PRKCH: variants seen among roughly 807,000 people sequenced by gnomAD.
PRKCH encodes protein kinase C eta, also known as protein kinase C eta type.
A neutral mutation model predicts 82.5 loss-of-function variants in PRKCH; 28 were observed. That is an observed-to-expected ratio of 0.34 (90% CI 0.25 to 0.47). PRKCH has a LOEUF of 0.47. Among genes scored for constraint, PRKCH ranks in the 20% least tolerant of loss-of-function variants. The pLI is 1.00. For synonymous variants in PRKCH, 322 were observed against 327.4 expected (o/e 0.98, Z 0.18); for missense variants, 705 against 881.8 (o/e 0.80, Z 2.54).
intron 1 of PRKCH, among the ~76,000 whole-genome samples, chr14:61,311,290 C>G (rs1447140242): frequency 1.3e-5 from 2 of 152,234 alleles, no homozygotes; most frequent in Non-Finnish European, 2.9e-5. Context: ...CTTTTATGCT[C>G]TGCTTCCCTT....
At chr14:61,329,254 T>TTTTTTTTTTTTTTTTTTG (rs1555375988) in intron 1 of PRKCH, among the ~76,000 whole-genome samples, 2 of 122,516 alleles carry the variant, frequency 1.6e-5, no homozygotes, top group African/African-American at 6.5e-5. Flanking sequence ...TTTTTTTTTT[T>TTTTTTTTTTTTTTTTTTG]GAGACAGAAT....
At chr14:61,444,281 G>GA (rs1884111199) in intron 3 of PRKCH, among the ~76,000 whole-genome samples, 1 of 151,794 alleles carries the variant, frequency 6.6e-6, no homozygotes, top group Admixed American at 6.6e-5. Flanking sequence ...TTTTTTTTGG[G>GA]AAAAAATTAG....
chr14:61,471,015 G>T (rs1014652543), intron 9 of PRKCH, among the ~76,000 whole-genome samples: 5 of 152,058 alleles, frequency 3.3e-5, no homozygotes, highest in African/African-American at 1.2e-4. Context: ...TATCCCTGCA[G>T]CCAGCCCAGA....
rs115517339 is a variant in PRKCH at position 61,415,477 on chromosome 14, G to A, written c.427+24189G>A. Among the ~76,000 whole-genome samples, 337 of 152,316 alleles carry A rather than the reference G, an allele frequency of 2.2e-3. 2 individuals are homozygous for A. The highest frequency in any genetic ancestry group is 7.9e-3 in the African/African-American group (330 of 41,564). On this transcript the variant is annotated intron_variant, in intron 2 of 13. Coordinates refer to ENST00000332981, the MANE Select transcript of PRKCH (RefSeq NM_006255.5). ...TTCCTTAGGAGAGCTGAGGAAGGGG[G>A]TTAGCCATTGAAGGATGAAGATATG...
At chr14:61,483,730 G>A (rs568556144) in intron 9 of PRKCH, among the ~76,000 whole-genome samples, 6 of 152,236 alleles carry the variant, frequency 3.9e-5, no homozygotes, top group African/African-American at 9.6e-5. Flanking sequence ...GTGCAAAGCC[G>A]GTGGCACTTA....
chr14:61,468,496 T>A (rs1184655349), intron 9 of PRKCH, among the ~76,000 whole-genome samples: 1 of 152,180 alleles, frequency 6.6e-6, no homozygotes, highest in Admixed American at 6.5e-5. Context: ...GGGGGATTAT[T>A]TGGGACCTTT....
At chr14:61,497,000 A>G (rs892822367) in intron 10 of PRKCH, among the ~76,000 whole-genome samples, 1 of 152,152 alleles carries the variant, frequency 6.6e-6, no homozygotes, top group African/African-American at 2.4e-5. Flanking sequence ...TTTTTTAAAT[A>G]AATGAAAGCC....
chr14:61,457,306 G>A lies in PRKCH; in HGVS notation c.1091G>A (p.Gly364Glu). The A allele has an allele frequency of 6.2e-7, 1 of 1,614,110 alleles. No individual in the cohort carries two copies. The highest frequency in any genetic ancestry group is 8.5e-7 in the Non-Finnish European group (1 of 1,179,998). ...NFEFIRVLGK[G>E]SFGKVMLARV... ...GAGTTCATCCGAGTGTTGGGGAAGG[G>A]GAGTTTTGGGAAGGTGAGTCTTGGC... Residue 364 changes from glycine (G) to glutamate (E), a missense_variant, in exon 8 of 14, where the codon GGG (glycine) becomes GAG (glutamate). Physicochemically the swap from Gly to Glu is moderately conservative, Grantham distance 98. Transcript: ENST00000332981.
intron 1 of PRKCH, among the ~76,000 whole-genome samples, chr14:61,375,147 C>A (rs2046413257): frequency 1.3e-5 from 2 of 152,060 alleles, no homozygotes; most frequent in Admixed American, 1.3e-4. Flanking sequence ...ATCTCTAGGG[C>A]AGGGCCAAAT....
At chr14:61,276,765 G>A (rs2045206479) in intron 1 of PRKCH, among the ~76,000 whole-genome samples, 1 of 152,144 alleles carries the variant, frequency 6.6e-6, no homozygotes, top group Non-Finnish European at 1.5e-5. Context: ...CAAGATTGTT[G>A]AGATCTCCTA....
chr14:61,350,667 C>T (rs1303550423), intron 1 of PRKCH, among the ~76,000 whole-genome samples: 13 of 152,124 alleles, frequency 8.5e-5, no homozygotes, highest in Non-Finnish European at 1.0e-4. Context: ...TCTGTCTATT[C>T]CAGGAAGCTC....
chr14:61,390,973 A>G (rs891515832), intron 1 of PRKCH: 5 of 376,042 alleles, frequency 1.3e-5, no homozygotes, highest in Non-Finnish European at 2.3e-5. Flanking sequence ...TGTCTATATT[A>G]TGACAAGCCA....
chr14:61,225,556 A>G (rs1206969957), intron 1 of PRKCH, among the ~76,000 whole-genome samples: 1 of 152,216 alleles, frequency 6.6e-6, no homozygotes, highest in African/African-American at 2.4e-5. Flanking sequence ...CATGGAGTGC[A>G]TGGTAATACG....
Position 61,191,017 on chromosome 14 carries a change from A to G in PRKCH, c.-19+3349A>G, listed in dbSNP as rs149868337. Among the ~76,000 whole-genome samples the G allele has an allele frequency of 2.1e-3, 316 of 152,374 alleles. 2 individuals carry two copies. Among genetic ancestry groups the G allele is most frequent in the African/African-American group, 6.9e-3 (289 of 41,590 alleles). ...GAAACAAATGCAATAATAGCTTTCAATGAAAGGAGAGTCACAGGATTAACT... is the reference window on the plus strand; with the variant it reads ...GAAACAAATGCAATAATAGCTTTCAGTGAAAGGAGAGTCACAGGATTAACT... On this transcript the variant is annotated intron_variant, in intron 1 of 3. Coordinates refer to the PRKCH transcript ENST00000555185.
At chr14:61,221,543 G>A (rs760446676) in intron 1 of PRKCH, among the ~76,000 whole-genome samples, 3 of 151,730 alleles carry the variant, frequency 2.0e-5, no homozygotes, top group Admixed American at 6.6e-5. Flanking sequence ...TCGTGACAGC[G>A]ATGGGGGCAT....
chr14:61,245,203 A>C (rs1309235077), intron 1 of PRKCH, among the ~76,000 whole-genome samples: 1 of 152,200 alleles, frequency 6.6e-6, no homozygotes, highest in Non-Finnish European at 1.5e-5. Flanking sequence ...AAATAAACTC[A>C]AACCAGATCT....
At chr14:61,189,643 C>T (rs2044394933) in intron 1 of PRKCH, among the ~76,000 whole-genome samples, 2 of 151,744 alleles carry the variant, frequency 1.3e-5, no homozygotes, top group Non-Finnish European at 2.9e-5. Context: ...CTCTGTCTTC[C>T]TACCTTCCTT....
At chr14:61,315,474 C>G (rs531740308) in intron 1 of PRKCH, among the ~76,000 whole-genome samples, 4 of 152,244 alleles carry the variant, frequency 2.6e-5, no homozygotes, top group African/African-American at 9.6e-5. Context: ...TAATGTTTGT[C>G]AAGTGCTTTG....
intron 10 of PRKCH, among the ~76,000 whole-genome samples, chr14:61,497,294 A>G (rs575887512): frequency 6.6e-6 from 1 of 152,258 alleles, no homozygotes; most frequent in African/African-American, 2.4e-5. Context: ...AGTTTCTTCA[A>G]TGATAAAATG....
Sources: allele counts gnomAD v4.1 joint callset (sites outside exome capture counted in the v4.1 genomes callset), GRCh38; gene constraint gnomAD v4.1.1; transcripts MANE v1.5; gene names NCBI Gene and HGNC (gene_info 2026-07-23, HGNC 2026-07-21).